CFAP61: variants seen among roughly 807,000 people sequenced by gnomAD.
CFAP61 encodes cilia- and flagella-associated protein 61.
In CFAP61, 107 loss-of-function variants were observed where a neutral mutation model predicts 135.6. That is an observed-to-expected ratio of 0.79 (90% CI 0.67 to 0.93). The LOEUF is 0.93. Among genes scored for constraint, CFAP61 ranks in the 40% least tolerant of loss-of-function variants. The pLI, the probability that CFAP61 is intolerant of heterozygous loss-of-function variation, is 0.00. For synonymous variants in CFAP61, 575 were observed against 578.5 expected, an observed-to-expected ratio of 0.99 and a Z score of 0.09; for missense variants, 1,507 against 1,556.2, an observed-to-expected ratio of 0.97 and a Z score of 0.53.
At chr20:20,352,768 G>A (rs1042624510) in intron 26 of CFAP61, among the ~76,000 whole-genome samples, 4 of 152,284 alleles carry the variant, frequency 2.6e-5, no homozygotes, top group Middle Eastern at 3.4e-3. Flanking sequence ...AGTTCTTGAC[G>A]TTGGTCTCAG....
chr20:20,276,585 T>C (rs1287204695), intron 21 of CFAP61, among the ~76,000 whole-genome samples: 1 of 152,248 alleles, frequency 6.6e-6, no homozygotes, highest in Non-Finnish European at 1.5e-5. Context: ...AAAAATACTG[T>C]CTTTCAGTCC....
intron 8 of CFAP61, among the ~76,000 whole-genome samples, chr20:20,103,720 C>T (rs530807103): frequency 4.6e-5 from 7 of 152,064 alleles, no homozygotes; most frequent in African/African-American, 7.2e-5. Context: ...TCCAGTTGGC[C>T]GCAGCACTGG....
At chr20:20,337,578 ATAGATGTGGGTGGATGGATG>A (rs1569311172) in intron 25 of CFAP61, among the ~76,000 whole-genome samples, 65 of 3,398 alleles carry the variant, frequency 0.019, 2 homozygotes, top group African/African-American at 0.024. Context: ...GGATGGATGG[ATAGATGTGGGTGGATGGATG>A]GATGGATAGA....
intron 25 of CFAP61, among the ~76,000 whole-genome samples, chr20:20,330,678 C>T (rs560351586): frequency 1.3e-5 from 2 of 152,254 alleles, no homozygotes; most frequent in East Asian, 3.9e-4. Flanking sequence ...CCGCTGGTGG[C>T]TCATGGCTCC....
chr20:20,226,417 C>T (rs1166287573), intron 17 of CFAP61, among the ~76,000 whole-genome samples: 1 of 152,216 alleles, frequency 6.6e-6, no homozygotes, highest in Non-Finnish European at 1.5e-5. Context: ...AGCCTACTTC[C>T]AGCTGACCTA....
At chr20:20,251,109 G>T (rs966225964) in intron 19 of CFAP61, among the ~76,000 whole-genome samples, 2 of 152,200 alleles carry the variant, frequency 1.3e-5, no homozygotes, top group African/African-American at 2.4e-5. Context: ...CAGAATGAGT[G>T]ATTACTGAAA....
Position 20,169,311 on chromosome 20 carries a change from A to G in CFAP61, c.1246-10A>G. 1.9e-6 allele frequency: 3 copies of G among 1,606,022 alleles called. No homozygotes were observed. The highest frequency in any genetic ancestry group is 2.6e-6 in the Non-Finnish European group (3 of 1,175,352). On this transcript the variant is annotated splice_polypyrimidine_tract_variant and intron_variant, in intron 12 of 26. Coordinates refer to ENST00000245957, the MANE Select transcript of CFAP61 (RefSeq NM_015585.4). ...TTCTTTCTCTGTGTCCTGGTTTTTGATGATGTTAGGATAAGAACTTCTGTG... is the reference window on the plus strand; with the variant it reads ...TTCTTTCTCTGTGTCCTGGTTTTTGGTGATGTTAGGATAAGAACTTCTGTG...
chr20:20,297,737 C>A (rs1242132603), intron 24 of CFAP61, among the ~76,000 whole-genome samples: 3 of 152,198 alleles, frequency 2.0e-5, no homozygotes, highest in Admixed American at 2.0e-4. Flanking sequence ...CCTTTTACTT[C>A]TTTCTTTTGT....
chr20:20,320,137 G>A (rs2057368546), intron 25 of CFAP61, among the ~76,000 whole-genome samples: 1 of 151,092 alleles, frequency 6.6e-6, no homozygotes, highest in Non-Finnish European at 1.5e-5. Context: ...GCAATGGAGG[G>A]GGGCCTATGA....
At chr20:20,287,558 T>C (rs1299593978) in intron 22 of CFAP61, among the ~76,000 whole-genome samples, 1 of 152,136 alleles carries the variant, frequency 6.6e-6, no homozygotes, top group African/African-American at 2.4e-5. Flanking sequence ...GAACCATTCA[T>C]GGGTGTGGGG....
In CFAP61 at chr20:20,085,352, G is replaced by C; in HGVS notation, c.567-5492G>C. 3 of 1,294,242 alleles carry C rather than the reference G, an allele frequency of 2.3e-6. No homozygotes were observed. In the Admixed American group the frequency reaches 7.3e-5, roughly 31 times the overall value. 80.2% of individuals were successfully genotyped at this position (1,294,242 alleles called of 1,614,324 possible). On this transcript the variant is annotated intron_variant, in intron 6 of 26. Coordinates refer to ENST00000245957, the MANE Select transcript of CFAP61 (RefSeq NM_015585.4). ...ATGCCATTTGAGACTATGTGAGGCT[G>C]ATGTCATACTTTATCATTAGCACTC...
chr20:20,085,358 A>G, intron 6 of CFAP61: 4 of 1,307,252 alleles, frequency 3.1e-6, no homozygotes, highest in Non-Finnish European at 4.0e-6. Flanking sequence ...GGCTGATGTC[A>G]TACTTTATCA....
At chr20:20,193,663 G>C (rs1243053924) in intron 15 of CFAP61, among the ~76,000 whole-genome samples, 1 of 151,982 alleles carries the variant, frequency 6.6e-6, no homozygotes, top group African/African-American at 2.4e-5. Context: ...CCCTAGGCTG[G>C]AGTTCAGTGA....
At chr20:20,141,428 T>G (rs2051394259) in intron 8 of CFAP61, among the ~76,000 whole-genome samples, 2 of 152,172 alleles carry the variant, frequency 1.3e-5, no homozygotes, top group African/African-American at 2.4e-5. Context: ...TATCGGGAGC[T>G]AGAGATATGA....
At chr20:20,237,500 A>G (rs1397612870) in intron 18 of CFAP61, among the ~76,000 whole-genome samples, 1 of 152,088 alleles carries the variant, frequency 6.6e-6, no homozygotes, top group African/African-American at 2.4e-5. Context: ...TCCCTTCTAG[A>G]TGTGTTCAGA....
chr20:20,315,606 C>G (rs1312852540), intron 25 of CFAP61, among the ~76,000 whole-genome samples: 2 of 151,484 alleles, frequency 1.3e-5, no homozygotes, highest in Non-Finnish European at 3.0e-5. Flanking sequence ...ACATGAAGTC[C>G]TTGCCCATGC....
Position 20,069,081 on chromosome 20 carries a change from T to C in CFAP61, c.144-1773T>C, listed in dbSNP as rs187392834. Among the ~76,000 whole-genome samples the C allele has an allele frequency of 3.5e-3, 538 of 152,206 alleles. 5 individuals carry two copies. Among genetic ancestry groups the C allele is most frequent in the African/African-American group, 0.012 (514 of 41,560 alleles). The stretch of plus-strand genomic sequence containing the variant: ...TATACCGAGAGATACTGGTTTTCCA[T>C]TTATGGTAGTGATGTATATTTCCTA... On this transcript the variant is annotated intron_variant, in intron 2 of 26. Transcript: ENST00000245957.
chr20:20,208,987 A>G (rs186542634), intron 17 of CFAP61, among the ~76,000 whole-genome samples: 138 of 152,176 alleles, frequency 9.1e-4, no homozygotes, highest in African/African-American at 3.3e-3. Context: ...CCTGGAAGAA[A>G]TCTTCAAAAA....
At chr20:20,066,378 G>A (rs1415265393) in intron 2 of CFAP61, among the ~76,000 whole-genome samples, 3 of 152,162 alleles carry the variant, frequency 2.0e-5, no homozygotes, top group Admixed American at 2.0e-4. Context: ...ACATGCACAC[G>A]TATGCTTATT....
Sources: allele counts gnomAD v4.1 joint callset (sites outside exome capture counted in the v4.1 genomes callset), GRCh38; gene constraint gnomAD v4.1.1; transcripts MANE v1.5; gene names NCBI Gene and HGNC (gene_info 2026-07-23, HGNC 2026-07-21).